WDR17: variants seen among roughly 807,000 people sequenced by gnomAD.
WDR17 encodes WD repeat domain 17, also known as WD repeat-containing protein 17.
WDR17 carries 143 observed loss-of-function variants against 161.7 expected under a neutral mutation model. The observed-to-expected ratio is 0.88, with a 90% CI of 0.77 to 1.02. WDR17 has a LOEUF of 1.02. Ranked by LOEUF, WDR17 falls within the 50% of genes least tolerant of loss-of-function variation. The probability of loss-of-function intolerance (pLI) is 0.00; values close to 1 mark genes in which losing one functional copy is unlikely to be tolerated. For synonymous variants in WDR17, 517 were observed against 515.6 expected, an observed-to-expected ratio of 1.00 and a Z score of -0.04; for missense variants, 1,469 against 1,520.9, an observed-to-expected ratio of 0.97 and a Z score of 0.57.
intron 19 of WDR17, 84 bp from the exon 20 acceptor site, chr4:176,160,827 A>G: frequency 3.6e-6 from 4 of 1,103,812 alleles, no homozygotes; most frequent in Non-Finnish European, 5.1e-6. Context: ...TTATTTAAGT[A>G]TACTTTGCTC....
In WDR17 at chr4:176,160,897, T is replaced by TAATTA. The variant is rs1360473727; in HGVS notation, c.2659-9_2659-5dup. On this transcript the variant is annotated splice_polypyrimidine_tract_variant and intron_variant, in intron 19 of 28. Coordinates refer to ENST00000508596, the MANE Select transcript of WDR17 (RefSeq NM_181265.4). ...ATTAGCTAAAGAATAATTCAACATT[T>TAATTA]AATTAAATTCTAGGCTGCTTGTGAA... 3 of 1,573,084 alleles carry TAATTA rather than the reference T, an allele frequency of 1.9e-6. No homozygotes were observed. The African/African-American group carries it at 4.1e-5, about 21-fold the overall frequency.
At chr4:176,082,690 A>G (rs571005368) in intron 1 of WDR17, among the ~76,000 whole-genome samples, 1 of 152,286 alleles carries the variant, frequency 6.6e-6, no homozygotes, top group East Asian at 1.9e-4. Flanking sequence ...ATAAATCCCA[A>G]TGCTTTTTAT....
At chr4:176,109,258 G>GT (rs1311471943) in intron 1 of WDR17, among the ~76,000 whole-genome samples, 1 of 151,884 alleles carries the variant, frequency 6.6e-6, no homozygotes, top group Non-Finnish European at 1.5e-5. Context: ...AAAAGTCAAT[G>GT]TAACTCACAT....
intron 1 of WDR17, among the ~76,000 whole-genome samples, chr4:176,090,135 C>T (rs2126624790): frequency 6.6e-6 from 1 of 151,772 alleles, no homozygotes; most frequent in Admixed American, 6.6e-5. Flanking sequence ...CCCCATGTTG[C>T]AGTTAGGGTA....
At chr4:176,167,644 CAAAAA>C (rs34187946) in intron 22 of WDR17, among the ~76,000 whole-genome samples, 99 of 23,792 alleles carry the variant, frequency 4.2e-3, no homozygotes, top group African/African-American at 0.015. Context: ...GACTCCGTCT[CAAAAA>C]AAAAAAAAAA....
intron 1 of WDR17, among the ~76,000 whole-genome samples, chr4:176,101,601 A>G (rs893071094): frequency 2.0e-5 from 3 of 152,158 alleles, no homozygotes; most frequent in Non-Finnish European, 4.4e-5. Context: ...AAGTGGGATA[A>G]CTAACACTAC....
At chr4:176,141,927 T>G in intron 10 of WDR17, 56 bp from the exon 11 acceptor site, 4 of 1,309,680 alleles carry the variant, frequency 3.1e-6, no homozygotes, top group South Asian at 1.4e-5. Flanking sequence ...CTTTGTTTCC[T>G]TGAATAATGT....
chr4:176,182,079 T>G lies in WDR17; in HGVS notation c.*2500T>G, dbSNP rs1323355874. The G allele has an allele frequency of 6.6e-6, 1 of 152,102 alleles. No individual in the cohort carries two copies. The highest frequency in any genetic ancestry group is 2.4e-5 in the African/African-American group (1 of 41,458). 9.4% of individuals were successfully genotyped at this position (152,102 alleles called of 1,614,324 possible). A position where few individuals can be genotyped will look rare whatever the true frequency, so the allele number is the denominator to read the frequency against. On this transcript the variant is annotated 3_prime_UTR_variant, in exon 29 of 29. Coordinates refer to ENST00000508596, the MANE Select transcript of WDR17 (RefSeq NM_181265.4). The surrounding 1 kb of genome is among the most constrained non-coding windows in gnomAD (Gnocchi z 4.2). Reference sequence around the variant, plus strand: ...TTCATAAAAGTATTTTTATTAGATTTCATATGCATGAAACCCAAGCAAATT... The same window carrying G: ...TTCATAAAAGTATTTTTATTAGATTGCATATGCATGAAACCCAAGCAAATT...
rs1172551445 is a variant in WDR17, at chr4:176,139,906, A to G, written c.1374A>G (p.Gly458=). 6.2e-7 allele frequency: 1 copy of G among 1,609,246 alleles called. No individual in the cohort carries two copies. Among genetic ancestry groups the G allele is most frequent in the South Asian group, 1.1e-5 (1 of 89,942 alleles). ...IQRFNEHGTN[G]IFCIAWSHKD... ...ATTTTTTGAAGCATGGAACAAATGG[A>G]ATATTCTGCATTGCCTGGAGTCATA... Residue 458 remains glycine, a synonymous_variant, in exon 10 of 29, where the codon GGA becomes GGG. Coordinates refer to ENST00000508596, the MANE Select transcript of WDR17 (RefSeq NM_181265.4).
intron 4 of WDR17, among the ~76,000 whole-genome samples, chr4:176,122,784 G>T (rs76110840): frequency 6.6e-6 from 1 of 152,062 alleles, no homozygotes; most frequent in Non-Finnish European, 1.5e-5. Context: ...CTTCTCAGAA[G>T]AAAAAATAAA....
chr4:176,177,129 G>A lies in WDR17; in HGVS notation c.3521G>A (p.Trp1174Ter), dbSNP rs1198390463. Residue 1174 changes from tryptophan to a stop codon, truncating the protein, a stop_gained, in exon 27 of 29, where the codon TGG (tryptophan) becomes TAG (stop). Transcript: ENST00000508596. LOFTEE classifies it high-confidence loss of function. ...TATCTTTCTGAGGAATTGGATGCATGGAGAGCTTGCACACAGTCCACCAAC... is the reference window on the plus strand; with the variant it reads ...TATCTTTCTGAGGAATTGGATGCATAGAGAGCTTGCACACAGTCCACCAAC... ...IEYLSEELDA[W>*]RACTQSTNRS... The A allele has an allele frequency of 1.2e-6, 2 of 1,613,740 alleles. No individual in the cohort carries two copies. The highest frequency in any genetic ancestry group is 1.1e-5 in the South Asian group (1 of 91,068).
chr4:176,179,065 T>C (rs1751865477), intron 28 of WDR17, among the ~76,000 whole-genome samples: 1 of 152,182 alleles, frequency 6.6e-6, no homozygotes, highest in South Asian at 2.1e-4. Context: ...TCCCCAGCTG[T>C]ATCGACATAG....
At chr4:176,097,365 T>C (rs1007539076) in intron 1 of WDR17, among the ~76,000 whole-genome samples, 12 of 152,044 alleles carry the variant, frequency 7.9e-5, no homozygotes, top group Non-Finnish European at 1.6e-4. Flanking sequence ...CTGCCAATGA[T>C]ATACAGTACT....
At chr4:176,091,593 G>C (rs1008904771) in intron 1 of WDR17, among the ~76,000 whole-genome samples, 10 of 151,930 alleles carry the variant, frequency 6.6e-5, no homozygotes, top group Admixed American at 1.3e-4. Context: ...AACTATAAAA[G>C]CAAGAGCAAA....
intron 1 of WDR17, among the ~76,000 whole-genome samples, chr4:176,073,772 T>G (rs977897063): frequency 6.6e-6 from 1 of 151,852 alleles, no homozygotes; most frequent in African/African-American, 2.4e-5. Flanking sequence ...ACCTGTTGTT[T>G]CCTGACTTTT....
chr4:176,157,305 T>G (rs985805624), intron 18 of WDR17, among the ~76,000 whole-genome samples: 9 of 152,244 alleles, frequency 5.9e-5, no homozygotes, highest in Admixed American at 3.9e-4. Flanking sequence ...TTTTCTTTTA[T>G]GCAACAAGGT....
At chr4:176,122,489 A>G (rs1741764009) in intron 4 of WDR17, among the ~76,000 whole-genome samples, 1 of 152,252 alleles carries the variant, frequency 6.6e-6, no homozygotes. Flanking sequence ...ACATTATAAA[A>G]GATACAGTCC....
In WDR17 at chr4:176,135,142, A is replaced by G; in HGVS notation, c.1133A>G (p.Lys378Arg). The part of the protein sequence containing the change: ...HVETIFDCKF[K>R]PDDPNLLATA... ...GAAACTATCTTTGACTGCAAATTCA[A>G]ACCTGACGATCCTAATCTTTTAGCA... Residue 378 changes from lysine to arginine, a missense_variant, in exon 8 of 29, where the codon AAA becomes AGA. Physicochemically the swap from Lys to Arg is conservative, Grantham distance 26. Coordinates refer to ENST00000508596, the MANE Select transcript of WDR17 (RefSeq NM_181265.4). 1 of 1,612,212 alleles carries G rather than the reference A, an allele frequency of 6.2e-7. No individual in the cohort carries two copies. Among genetic ancestry groups the G allele is most frequent in the Non-Finnish European group, 8.5e-7 (1 of 1,178,584 alleles).
chr4:176,122,757 A>G (rs145096883), intron 4 of WDR17, among the ~76,000 whole-genome samples: 1 of 152,226 alleles, frequency 6.6e-6, no homozygotes, highest in African/African-American at 2.4e-5. Flanking sequence ...TGACCTCAAT[A>G]TCTCTGTTGT....
Sources: gnomAD v4.1 joint callset for allele counts (sites outside exome capture counted in the v4.1 genomes callset) on GRCh38, gnomAD v4.1.1 for gene constraint, Gnocchi (gnomAD v3.1) non-coding constraint, MANE v1.5 for transcripts, NCBI Gene and HGNC (gene_info 2026-07-23, HGNC 2026-07-21) for gene names.